The following USP32 variants were observed in gnomAD, a reference collection of about 807,000 sequenced individuals.
The protein encoded by USP32 is ubiquitin carboxyl-terminal hydrolase 32.
Under a neutral mutation model 204.8 loss-of-function variants are expected in USP32, and 59 were observed. That is an observed-to-expected ratio of 0.29 (90% CI 0.23 to 0.36). The LOEUF (loss-of-function observed/expected upper bound fraction) is 0.36, where lower values mean the gene tolerates loss of function less well. USP32 is among the 10% of genes least tolerant of loss of function. The pLI, the probability that USP32 is intolerant of heterozygous loss-of-function variation, is 1.00. For missense variants in USP32, 1,160 were observed against 1,946.4 expected (o/e 0.60, Z 7.60); for synonymous variants, 517 against 678.4 (o/e 0.76, Z 3.70).
intron 12 of USP32, chr17:60,231,783 A>G (rs527782707): frequency 1.5e-4 from 35 of 236,924 alleles, no homozygotes; most frequent in Non-Finnish European, 2.9e-4. Context: ...TAATAATGAT[A>G]GAAAAGATTT....
At chr17:60,204,229 C>T (rs1277995074) in intron 26 of USP32, among the ~76,000 whole-genome samples, 2 of 152,110 alleles carry the variant, frequency 1.3e-5, no homozygotes, top group Non-Finnish European at 2.9e-5. Flanking sequence ...AAAACTTTTC[C>T]GAAGCCATCC....
At chr17:60,236,018 CTTTA>C (rs1555596480) in intron 12 of USP32, 116 bp downstream of exon 12, 1 of 800,416 alleles carries the variant, frequency 1.2e-6, no homozygotes, top group Non-Finnish European at 2.1e-6. Flanking sequence ...CCCTTCGAAT[CTTTA>C]TTTAAGTTGG....
chr17:60,338,533 C>A (rs957308968), intron 2 of USP32, among the ~76,000 whole-genome samples: 2 of 152,046 alleles, frequency 1.3e-5, no homozygotes, highest in African/African-American at 2.4e-5. Context: ...GAGTTCAAGA[C>A]CACCTGGGCA....
At chr17:60,386,446 G>A (rs541822251) in intron 1 of USP32, among the ~76,000 whole-genome samples, 8 of 151,526 alleles carry the variant, frequency 5.3e-5, no homozygotes, top group Non-Finnish European at 1.0e-4. Flanking sequence ...GCATTACTCT[G>A]GTGCTGCAAA....
rs768008966 is a variant in USP32 at position 60,345,595 on chromosome 17, C to T, written c.72G>A (p.Glu24=). The stretch of plus-strand genomic sequence containing the variant: ...TGAAAGCATCCTTCAGTCGTTTTAG[C>T]TCTACATCTGTAACTGCAATTCAGA... ...EEALRRVTDV[E]LKRLKDAFKR... is the part of the protein sequence containing the mutation. Residue 24 remains glutamate (E), a synonymous_variant, in exon 2 of 34, where the codon GAG becomes GAA. Transcript: ENST00000300896. The T allele has an allele frequency of 9.9e-6, 16 of 1,614,126 alleles. No individual in the cohort carries two copies. The highest frequency in any genetic ancestry group is 1.4e-5 in the Non-Finnish European group (16 of 1,179,986).
At chr17:60,264,157 T>G (rs879398584) in intron 9 of USP32, among the ~76,000 whole-genome samples, 1 of 152,146 alleles carries the variant, frequency 6.6e-6, no homozygotes, top group Non-Finnish European at 1.5e-5. Context: ...ACATGTTTAT[T>G]TTTGCTATTA....
At chr17:60,277,295 C>T (rs773545599) in intron 5 of USP32, among the ~76,000 whole-genome samples, 3 of 152,176 alleles carry the variant, frequency 2.0e-5, no homozygotes, top group Non-Finnish European at 4.4e-5. Flanking sequence ...CTCTTTAATG[C>T]CAGAAGTCAA....
chr17:60,212,600 T>G (rs2084998865), intron 18 of USP32, among the ~76,000 whole-genome samples: 1 of 151,898 alleles, frequency 6.6e-6, no homozygotes, highest in Non-Finnish European at 1.5e-5. Context: ...GTCACTTGGT[T>G]TGAATAATCT....
At chr17:60,264,398 G>A (rs2086532717) in intron 9 of USP32, among the ~76,000 whole-genome samples, 1 of 151,162 alleles carries the variant, frequency 6.6e-6, no homozygotes, top group African/African-American at 2.4e-5. Context: ...CACACCTATA[G>A]TCTCAGCTAC....
intron 3 of USP32, 38 bp downstream of exon 3, chr17:60,301,561 C>T (rs1242470623): frequency 7.6e-7 from 1 of 1,313,950 alleles, no homozygotes; most frequent in African/African-American, 1.5e-5. Flanking sequence ...TTATTCTGTA[C>T]ATAGACGAAT....
chr17:60,222,983 A>G (rs1454795473), intron 14 of USP32, among the ~76,000 whole-genome samples: 1 of 152,124 alleles, frequency 6.6e-6, no homozygotes, highest in African/African-American at 2.4e-5. Context: ...CGTCCAGCAA[A>G]AAAACTGAAT....
At chr17:60,411,868 T>A (rs2090021728) in intron 1 of USP32, among the ~76,000 whole-genome samples, 2 of 152,210 alleles carry the variant, frequency 1.3e-5, no homozygotes, top group Admixed American at 6.6e-5. Flanking sequence ...ATACCACATT[T>A]TTTTATCCAT....
chr17:60,379,939 T>G (rs1327063718), intron 1 of USP32, among the ~76,000 whole-genome samples: 1 of 152,214 alleles, frequency 6.6e-6, no homozygotes, highest in African/African-American at 2.4e-5. Context: ...AAGGTTACTC[T>G]TCAGCAGCTT....
intron 4 of USP32, among the ~76,000 whole-genome samples, chr17:60,289,547 CA>C (rs1254826399): frequency 1.3e-5 from 2 of 152,168 alleles, no homozygotes; most frequent in African/African-American, 4.8e-5. Flanking sequence ...CAAAAAGAAG[CA>C]AGTTGATTTC....
chr17:60,221,483 A>G (rs539597305), intron 15 of USP32, among the ~76,000 whole-genome samples: 2 of 151,904 alleles, frequency 1.3e-5, no homozygotes, highest in African/African-American at 2.4e-5. Flanking sequence ...TAGCTTGGAC[A>G]TTATAAAAGG....
chr17:60,365,907 T>C (rs1598289893), intron 1 of USP32, among the ~76,000 whole-genome samples: 1 of 152,294 alleles, frequency 6.6e-6, no homozygotes, highest in East Asian at 1.9e-4. Flanking sequence ...AATTAATCCA[T>C]TTGGAGGGCT....
Position 60,211,519 on chromosome 17 carries a change from A to G in USP32, c.2180-5T>C, listed in dbSNP as rs771966018. ...TGGCTCCCTTTTCTGTGGGAACTGGAACAAACAATATGAGAACCAAAGCTT... is the reference window on the plus strand; with the variant it reads ...TGGCTCCCTTTTCTGTGGGAACTGGGACAAACAATATGAGAACCAAAGCTT... On this transcript the variant is annotated splice_polypyrimidine_tract_variant and splice_region_variant and intron_variant, in intron 19 of 33. Transcript: ENST00000300896. 6.2e-7 allele frequency: 1 copy of G among 1,608,736 alleles called. No homozygotes were observed. The highest frequency in any genetic ancestry group is 8.5e-7 in the Non-Finnish European group (1 of 1,178,238).
intron 25 of USP32, among the ~76,000 whole-genome samples, chr17:60,205,970 C>G (rs569334198): frequency 2.3e-4 from 35 of 152,354 alleles, no homozygotes; most frequent in Non-Finnish European, 4.1e-4. Context: ...TTTTCCTTCT[C>G]TTTGCCTTTG....
intron 1 of USP32, among the ~76,000 whole-genome samples, chr17:60,373,443 ATTTTTT>A (rs138532417): frequency 7.4e-6 from 1 of 135,854 alleles, no homozygotes; most frequent in Non-Finnish European, 1.6e-5. Flanking sequence ...GCTTACTGTA[ATTTTTT>A]TTTTTTTTTT....
Sources: gnomAD v4.1 joint callset for allele counts (sites outside exome capture counted in the v4.1 genomes callset) on GRCh38, gnomAD v4.1.1 for gene constraint, MANE v1.5 for transcripts, NCBI Gene and HGNC (gene_info 2026-07-23, HGNC 2026-07-21) for gene names.